The following PARP12 variants were observed in gnomAD, a reference collection of about 807,000 sequenced individuals.
The protein encoded by PARP12 is protein mono-ADP-ribosyltransferase PARP12.
In PARP12, 59 loss-of-function variants were observed where a neutral mutation model predicts 72.4. The ratio of observed to expected loss-of-function variants is 0.81; its 90% CI spans 0.66 to 1.01. The LOEUF (loss-of-function observed/expected upper bound fraction) is 1.01, where lower values mean the gene tolerates loss of function less well. Ranked by LOEUF, PARP12 falls within the 50% of genes least tolerant of loss-of-function variation. The pLI, the probability that PARP12 is intolerant of heterozygous loss-of-function variation, is 0.00. For synonymous variants in PARP12, 403 were observed against 371.4 expected (o/e 1.09, Z -0.98); for missense variants, 851 against 914.0 (o/e 0.93, Z 0.89).
At chr7:140,033,511 C>T (rs1585085949) in intron 8 of PARP12, 4 of 985,460 alleles carry the variant, frequency 4.1e-6, no homozygotes, top group Non-Finnish European at 4.8e-6. Context: ...GGTCCCTCTC[C>T]ACCATGCAGG....
At chr7:140,042,810 A>G (rs1287151919) in intron 5 of PARP12, among the ~76,000 whole-genome samples, 1 of 152,214 alleles carries the variant, frequency 6.6e-6, no homozygotes, top group Non-Finnish European at 1.5e-5. Context: ...ACATTTTGGG[A>G]GAATTAGCTG....
At chr7:140,031,545 C>G (rs77056410) in intron 8 of PARP12, among the ~76,000 whole-genome samples, 2,070 of 152,304 alleles carry the variant, frequency 0.014, 23 homozygotes, top group Non-Finnish European at 0.021. Flanking sequence ...CCCAGGCAGA[C>G]TTGCTTACTG....
Position 140,028,697 on chromosome 7 carries a change from A to C in PARP12, c.1422-9T>G. 1.9e-6 allele frequency: 3 copies of C among 1,592,932 alleles called. No homozygotes were observed. Among genetic ancestry groups the C allele is most frequent in the Non-Finnish European group, 2.6e-6 (3 of 1,167,850 alleles). On this transcript the variant is annotated splice_polypyrimidine_tract_variant and intron_variant, in intron 8 of 11. Coordinates refer to ENST00000263549, the MANE Select transcript of PARP12 (RefSeq NM_022750.4). ...CTGGAAACTTGGTATTGCTACAAAA[A>C]TGTAAACAAAAACACGTAGACATTT...
At chr7:140,037,891 G>A in intron 6 of PARP12, 35 bp from the exon 7 acceptor site, 1 of 1,588,268 alleles carries the variant, frequency 6.3e-7, no homozygotes, top group South Asian at 1.1e-5. Flanking sequence ...ATGAAGGCAA[G>A]AAACTGCGTG....
rs1319453407 is a variant in PARP12 at position 140,062,507 on chromosome 7, G to A, written c.326+15C>T. ...AGGACCTCCGCCCGCCGTCGCTCCC[G>A]GCGCGGCGCCTTACCCGGCTCTCAG... On this transcript the variant is annotated intron_variant, in intron 1 of 11. Coordinates refer to ENST00000263549, the MANE Select transcript of PARP12 (RefSeq NM_022750.4). 2.0e-6 allele frequency: 3 copies of A among 1,535,138 alleles called. No homozygotes were observed. The highest frequency in any genetic ancestry group is 1.2e-5 in the South Asian group (1 of 84,298).
chr7:140,041,669 C>G lies in PARP12; in HGVS notation c.1157G>C (p.Gly386Ala). Residue 386 changes from glycine to alanine, a missense_variant, in exon 6 of 12, where the codon GGT (glycine) becomes GCT (alanine). This residue lies in a region of PARP12 where 12 missense variants were observed against 28.6 expected (regional missense o/e 0.42). Transcript: ENST00000263549. ...DWIWYWSDEFGSWQEYGRQGT... is the reference protein window; with the variant it reads ...DWIWYWSDEFASWQEYGRQGT... ...CTGTCTTCCATATTCCTGCCAAGAA[C>G]CAAACTCATCACTCCAGTACCAAAT... is the stretch of plus-strand genomic sequence containing the variant. 1 of 1,614,006 alleles carries G rather than the reference C, an allele frequency of 6.2e-7. No individual in the cohort carries two copies. The highest frequency in any genetic ancestry group is 8.5e-7 in the Non-Finnish European group (1 of 1,179,976).
chr7:140,051,327 C>A (rs890568802), intron 4 of PARP12, among the ~76,000 whole-genome samples: 1 of 152,190 alleles, frequency 6.6e-6, no homozygotes, highest in Non-Finnish European at 1.5e-5. Context: ...AGGAATTTAA[C>A]CATGTCAATC....
chr7:140,054,592 A>G, intron 4 of PARP12, 70 bp downstream of exon 4: 1 of 1,333,080 alleles, frequency 7.5e-7, no homozygotes, highest in South Asian at 1.2e-5. Flanking sequence ...GTGACTTCAG[A>G]GCACAGCTCT....
chr7:140,036,365 T>C (rs922207826), intron 7 of PARP12, among the ~76,000 whole-genome samples: 3 of 152,204 alleles, frequency 2.0e-5, no homozygotes, highest in Non-Finnish European at 4.4e-5. Flanking sequence ...ACGTCTATGC[T>C]CTCACTGGTC....
chr7:140,027,160 C>T (rs1815768546), intron 10 of PARP12, 116 bp downstream of exon 10: 2 of 1,381,180 alleles, frequency 1.4e-6, no homozygotes, highest in South Asian at 2.6e-5. Context: ...GCTCCCAGCA[C>T]ATGGCAGCCC....
Position 140,026,233 on chromosome 7 carries a change from G to A in PARP12, c.1744C>T (p.Arg582Trp), listed in dbSNP as rs753872576. ...DAICQQNFDW[R>W]VCGVHGTSYG... is the part of the protein sequence containing the mutation. Reference sequence around the variant, plus strand: ...GAAGTGCCATGAACACCACAGACCCGCCAGTCAAAGTTCTGCTGGCAGATG... The same window carrying A: ...GAAGTGCCATGAACACCACAGACCCACCAGTCAAAGTTCTGCTGGCAGATG... Residue 582 changes from arginine (R) to tryptophan (W), a missense_variant, in exon 11 of 12, where the codon CGG becomes TGG. This residue lies in a region of PARP12 where 347 missense variants were observed against 396.1 expected (regional missense o/e 0.88). Transcript: ENST00000263549. The A allele has an allele frequency of 3.1e-6, 5 of 1,614,132 alleles. No homozygotes were observed. The highest frequency in any genetic ancestry group is 4.2e-6 in the Non-Finnish European group (5 of 1,180,046).
At chr7:140,036,091 G>A (rs543348526) in intron 7 of PARP12, among the ~76,000 whole-genome samples, 1 of 151,088 alleles carries the variant, frequency 6.6e-6, no homozygotes, top group Admixed American at 6.6e-5. Flanking sequence ...AGAAGGAGAA[G>A]AATTGTGCCC....
intron 5 of PARP12, among the ~76,000 whole-genome samples, chr7:140,046,106 T>A (rs1014279146): frequency 6.6e-6 from 1 of 152,248 alleles, no homozygotes; most frequent in Non-Finnish European, 1.5e-5. Context: ...GTATGCTTAA[T>A]ATCTAGGCTC....
intron 6 of PARP12, among the ~76,000 whole-genome samples, chr7:140,040,556 C>A (rs531854739): frequency 2.3e-4 from 35 of 152,336 alleles, no homozygotes; most frequent in African/African-American, 5.1e-4. Context: ...ATGCATCATT[C>A]CACACACGGG....
intron 1 of PARP12, among the ~76,000 whole-genome samples, chr7:140,060,522 A>G (rs1264310994): frequency 6.6e-6 from 1 of 152,242 alleles, no homozygotes; most frequent in Non-Finnish European, 1.5e-5. Context: ...AAAACTGAAG[A>G]AAGAAGAAAA....
chr7:140,050,050 A>C (rs1816900752), intron 4 of PARP12, among the ~76,000 whole-genome samples: 1 of 152,192 alleles, frequency 6.6e-6, no homozygotes. Flanking sequence ...TAATAAATCC[A>C]AAAGCACTGG....
intron 4 of PARP12, 82 bp downstream of exon 4, chr7:140,054,580 G>T: frequency 8.5e-7 from 1 of 1,175,258 alleles, no homozygotes; most frequent in Non-Finnish European, 1.3e-6. Context: ...GTTTGGTAGG[G>T]GGTGACTTCA....
At chr7:140,044,714 C>A (rs1016447076) in intron 5 of PARP12, among the ~76,000 whole-genome samples, 1 of 152,222 alleles carries the variant, frequency 6.6e-6, no homozygotes, top group South Asian at 2.1e-4. Context: ...ATCCAGACAA[C>A]AATGAAATAG....
At chr7:140,041,942 G>A (rs1816492268) in intron 5 of PARP12, 103 bp from the exon 6 acceptor site, 1 of 994,090 alleles carries the variant, frequency 1.0e-6, no homozygotes, top group South Asian at 1.6e-5. Context: ...TAGTAAATGT[G>A]GCATGCACAT....
Sources: allele counts gnomAD v4.1 joint callset (sites outside exome capture counted in the v4.1 genomes callset), GRCh38; gene constraint gnomAD v4.1.1; regional missense constraint gnomAD v4.1.1; transcripts MANE v1.5; gene names NCBI Gene and HGNC (gene_info 2026-07-23, HGNC 2026-07-21).